Variants in EPGN observed in about 807,000 individuals in gnomAD.
EPGN encodes epithelial mitogen.
Under a neutral mutation model 20.7 loss-of-function variants are expected in EPGN, and 21 were observed. The ratio of observed to expected loss-of-function variants is 1.01; its 90% confidence interval spans 0.72 to 1.46. The LOEUF is 1.46. EPGN is among the 40% of genes most tolerant of loss of function. EPGN has a pLI of 0.00. For missense variants in EPGN, 199 were observed against 180.7 expected (o/e 1.10, Z -0.58); for synonymous variants, 69 against 63.8 (o/e 1.08, Z -0.39).
rs542858702 is a variant in EPGN at position 74,314,719 on chromosome 4, C to T, written c.*82C>T. On this transcript the variant is annotated 3_prime_UTR_variant, in exon 5 of 5. Transcript: ENST00000413830. Reference sequence around the variant, plus strand: ...AAAGTTTTCAGATGAAACAACAAAACTTGTCAAGCTGACTAGACTCGAAAA... The same window carrying T: ...AAAGTTTTCAGATGAAACAACAAAATTTGTCAAGCTGACTAGACTCGAAAA... 3 of 1,245,354 alleles carry T rather than the reference C, an allele frequency of 2.4e-6. No individual in the cohort carries two copies. The South Asian group carries it at 4.0e-5, about 17-fold the overall frequency. 77.1% of individuals were successfully genotyped at this position (1,245,354 alleles called of 1,614,324 possible).
chr4:74,314,623 A>G lies in EPGN; in HGVS notation c.451A>G (p.Arg151Gly). 4 of 1,536,076 alleles carry G rather than the reference A, an allele frequency of 2.6e-6. No individual in the cohort carries two copies. The highest frequency in any genetic ancestry group is 2.6e-6 in the Non-Finnish European group (3 of 1,146,828). ...GCCTTACAATGTCTGTTCTGGAGAA[A>G]GACGACCACTGTGAGGCCTTTGTGA... Reference protein sequence around the residue: ...KSPYNVCSGERRPL With the variant: ...KSPYNVCSGEGRPL The change falls in exon 5 of 5, where the codon AGA becomes GGA. Residue 151 changes from arginine to glycine, a missense_variant. Transcript: ENST00000413830.
At position 74,313,166 on chromosome 4, in the gene EPGN, AAG is replaced by A; in HGVS notation, c.406_407del (p.Arg136ValfsTer23). ...FLVIFYCYIR[K>X]RCLKLKSPYN... is the part of the protein sequence containing the mutation. ...TGTTATTTTTTACTGCTATATAAGA[AAG>A]AGGTATGAAAAAGACAAAATATGAA... On this transcript the variant is annotated frameshift_variant and splice_region_variant, in exon 4 of 5. Transcript: ENST00000413830. LOFTEE classifies it high-confidence loss of function. 1 of 1,609,114 alleles carries A rather than the reference AAG, an allele frequency of 6.2e-7. No homozygotes were observed. Among genetic ancestry groups the A allele is most frequent in the Non-Finnish European group, 8.5e-7 (1 of 1,178,846 alleles).
chr4:74,308,687 A>G, intron 1 of EPGN, 111 bp downstream of exon 1: 1 of 858,832 alleles, frequency 1.2e-6, no homozygotes, highest in Non-Finnish European at 1.8e-6. Context: ...TCTTTATGAC[A>G]AAGATCAGAG....
At chr4:74,310,494 T>C (rs75220201) in intron 2 of EPGN, among the ~76,000 whole-genome samples, 8,621 of 139,318 alleles carry the variant, frequency 0.062, 601 homozygotes, top group African/African-American at 0.16. Flanking sequence ...AAGAAGATAA[T>C]ATACTGCAGA....
chr4:74,313,551 T>G, intron 4 of EPGN: 3 of 1,064,150 alleles, frequency 2.8e-6, no homozygotes, highest in Non-Finnish European at 3.4e-6. Context: ...GAGTAAATAT[T>G]TGTTGAGTGA....
At chr4:74,313,506 GT>G (rs1751102816) in intron 4 of EPGN, 1 of 1,158,336 alleles carries the variant, frequency 8.6e-7, no homozygotes. Flanking sequence ...TGTATATTCA[GT>G]GACTTACACT....
Position 74,309,019 on chromosome 4 carries a change from A to G in EPGN, c.44-74A>G. ...AATAGAAATTGGAATAAACAGAATA[A>G]GAATACTTTCCATCTGTTGCTTGTA... is the stretch of plus-strand genomic sequence containing the variant. On this transcript the variant is annotated intron_variant, in intron 1 of 4. Coordinates refer to ENST00000413830, the MANE Select transcript of EPGN (RefSeq NM_001270989.2). 8.1e-6 allele frequency: 9 copies of G among 1,106,754 alleles called. No individual in the cohort carries two copies. In the South Asian group the frequency reaches 1.3e-4, roughly 15 times the overall value. 68.6% of individuals were successfully genotyped at this position (1,106,754 alleles called of 1,614,324 possible).
chr4:74,314,733 T>C lies in EPGN; in HGVS notation c.*96T>C. On this transcript the variant is annotated 3_prime_UTR_variant, in exon 5 of 5. Transcript: ENST00000413830. The stretch of plus-strand genomic sequence containing the variant: ...AAACAACAAAACTTGTCAAGCTGAC[T>C]AGACTCGAAAATAATGAAAGTTGGG... The C allele has an allele frequency of 9.2e-7, 1 of 1,091,486 alleles. No individual in the cohort carries two copies. Among genetic ancestry groups the C allele is most frequent in the South Asian group, 1.4e-5 (1 of 69,906 alleles). The allele number at this position is 1,091,486 out of a possible 1,614,324, so 67.6% of individuals were successfully genotyped here. A position where few individuals can be genotyped will look rare whatever the true frequency, so the allele number is the denominator to read the frequency against.
At position 74,312,261 on chromosome 4, in the gene EPGN, C is replaced by T. The variant is rs201736074; in HGVS notation, c.210C>T (p.Asn70=). 108 of 1,613,216 alleles carry T rather than the reference C, an allele frequency of 6.7e-5. No individual in the cohort carries two copies. Among genetic ancestry groups the T allele is most frequent in the Admixed American group, 4.8e-4 (29 of 59,884 alleles). The change falls in exon 3 of 5, where the codon AAC becomes AAT. Residue 70 remains asparagine (N), a synonymous_variant. Transcript: ENST00000413830. ...AAGATCATAACAGTTACTGCATCAA[C>T]GGTGCTTGTGCATTCCACCATGAGC... ...CLEDHNSYCI[N]GACAFHHELE... is the part of the protein sequence containing the mutation.
At chr4:74,310,624 A>G (rs1045601200) in intron 2 of EPGN, among the ~76,000 whole-genome samples, 3 of 152,126 alleles carry the variant, frequency 2.0e-5, no homozygotes, top group South Asian at 2.1e-4. Flanking sequence ...TACAAGTAAT[A>G]ATAATGGTAA....
intron 2 of EPGN, among the ~76,000 whole-genome samples, chr4:74,311,863 C>G (rs976529842): frequency 5.3e-5 from 8 of 152,292 alleles, no homozygotes; most frequent in Non-Finnish European, 1.2e-4. Flanking sequence ...AAGCATCGCT[C>G]AAAATAACCT....
intron 2 of EPGN, among the ~76,000 whole-genome samples, chr4:74,310,949 T>A (rs1750899893): frequency 1.3e-5 from 2 of 152,210 alleles, no homozygotes; most frequent in Non-Finnish European, 1.5e-5. Context: ...GTTGGTTGAA[T>A]CCACAGATGT....
Position 74,313,014 on chromosome 4 carries a change from A to G in EPGN, c.255-4A>G. On this transcript the variant is annotated splice_polypyrimidine_tract_variant and splice_region_variant and intron_variant, in intron 3 of 4. Transcript: ENST00000413830. ...AAAATTAAACTTTTTTTCTTTTTTTAAAGGTGTTTTACTGGTTATACTGGA... is the reference window on the plus strand; with the variant it reads ...AAAATTAAACTTTTTTTCTTTTTTTGAAGGTGTTTTACTGGTTATACTGGA... 6.3e-7 allele frequency: 1 copy of G among 1,576,954 alleles called. No homozygotes were observed. Among genetic ancestry groups the G allele is most frequent in the South Asian group, 1.2e-5 (1 of 82,772 alleles).
intron 4 of EPGN, 172 bp downstream of exon 4, chr4:74,313,342 C>T (rs1173804579): frequency 1.4e-6 from 2 of 1,399,268 alleles, no homozygotes; most frequent in East Asian, 5.4e-5. Context: ...CTCATAAACC[C>T]AGACGAGTGG....
intron 2 of EPGN, among the ~76,000 whole-genome samples, chr4:74,311,062 T>C (rs1750910253): frequency 1.3e-5 from 2 of 152,170 alleles, no homozygotes; most frequent in Admixed American, 1.3e-4. Flanking sequence ...TTATCTAACT[T>C]AAAAATATCA....
At chr4:74,313,998 A>G in intron 4 of EPGN, 1 of 374,416 alleles carries the variant, frequency 2.7e-6, no homozygotes, top group Non-Finnish European at 5.2e-6. Flanking sequence ...AATAAGGGGG[A>G]GGAGGAGGAG....
intron 4 of EPGN, chr4:74,313,686 A>C: frequency 6.9e-6 from 6 of 869,684 alleles, no homozygotes; most frequent in Non-Finnish European, 8.3e-6. Context: ...CTAAGAAGAT[A>C]ATCACAAATA....
intron 4 of EPGN, 175 bp from the exon 5 acceptor site, chr4:74,314,405 G>A (rs2110357949): frequency 1.6e-6 from 1 of 638,626 alleles, no homozygotes; most frequent in East Asian, 2.7e-5. Context: ...CTTGGGAGAA[G>A]ACTGCTGCCA....
At chr4:74,308,658 G>T in intron 1 of EPGN, 82 bp downstream of exon 1, 6 of 1,232,326 alleles carry the variant, frequency 4.9e-6, no homozygotes, top group Non-Finnish European at 6.9e-6. Context: ...TTAGAGAGAA[G>T]TTGGCTTCTA....
Sources: allele counts gnomAD v4.1 joint callset (sites outside exome capture counted in the v4.1 genomes callset), GRCh38; gene constraint gnomAD v4.1.1; transcripts MANE v1.5; gene names NCBI Gene and HGNC (gene_info 2026-07-23, HGNC 2026-07-21).